The following HTT variants were observed in gnomAD, a reference collection of about 807,000 sequenced individuals.
The protein encoded by HTT is huntington disease protein.
In HTT, 104 loss-of-function variants were observed where a neutral mutation model predicts 362.3. The observed-to-expected ratio is 0.29, with a 90% CI of 0.24 to 0.34. The LOEUF (loss-of-function observed/expected upper bound fraction) is 0.34, where lower values mean the gene tolerates loss of function less well. Ranked by LOEUF, HTT falls within the 10% of genes least tolerant of loss-of-function variation. The pLI is 1.00. For missense variants in HTT, 3,301 were observed against 3,928.6 expected, an observed-to-expected ratio of 0.84 and a Z score of 4.27; for synonymous variants, 1,577 against 1,548.7, an observed-to-expected ratio of 1.02 and a Z score of -0.43.
At chr4:3,114,645 G>A (rs1714931407) in intron 6 of HTT, among the ~76,000 whole-genome samples, 1 of 152,216 alleles carries the variant, frequency 6.6e-6, no homozygotes, top group South Asian at 2.1e-4. Context: ...GGAAATGGAT[G>A]TTCTTAAGTA....
At chr4:3,104,883 G>A (rs981356332) in intron 4 of HTT, among the ~76,000 whole-genome samples, 1 of 152,048 alleles carries the variant, frequency 6.6e-6, no homozygotes, top group Non-Finnish European at 1.5e-5. Flanking sequence ...CAGCCTGGGC[G>A]ACCAAGTGAG....
Position 3,216,127 on chromosome 4 carries a change from C to T in HTT, c.7054+916C>T, listed in dbSNP as rs558272359. Among the ~76,000 whole-genome samples the T allele has an allele frequency of 2.0e-5, 3 of 152,300 alleles. No individual in the cohort carries two copies. In the South Asian group the frequency reaches 6.2e-4, roughly 32 times the overall value. ...TTTTTCTCCCCGCTTTTGTGCAATC[C>T]TGGTTGTGGATGGAGTTTTCCTGTC... On this transcript the variant is annotated intron_variant, in intron 51 of 66. Transcript: ENST00000355072.
intron 28 of HTT, among the ~76,000 whole-genome samples, chr4:3,159,350 T>G (rs1717324883): frequency 6.6e-6 from 1 of 152,358 alleles, no homozygotes; most frequent in Non-Finnish European, 1.5e-5. Flanking sequence ...ATTCCATGCC[T>G]TCTTTTCCCT....
In HTT at chr4:3,179,956, A is replaced by T. The variant is rs114170453; in HGVS notation, c.4613-559A>T. ...CAGAGTGTGCCTGTGTGCCAATGAA[A>T]GGCATTTCTTATATTTTTTTATATG... is the stretch of plus-strand genomic sequence containing the variant. On this transcript the variant is annotated intron_variant, in intron 35 of 66. Coordinates refer to ENST00000355072, the MANE Select transcript of HTT (RefSeq NM_001388492.1). Among the ~76,000 whole-genome samples, 991 of 152,286 alleles carry T rather than the reference A, an allele frequency of 6.5e-3. 13 individuals carry two copies. Among genetic ancestry groups the T allele is most frequent in the African/African-American group, 0.022 (933 of 41,544 alleles).
At chr4:3,120,959 G>A (rs1488264970) in intron 8 of HTT, among the ~76,000 whole-genome samples, 1 of 152,054 alleles carries the variant, frequency 6.6e-6, no homozygotes, top group Non-Finnish European at 1.5e-5. Context: ...CACCAGTTTT[G>A]GGAAATAGAG....
intron 26 of HTT, among the ~76,000 whole-genome samples, chr4:3,152,208 C>T (rs940742511): frequency 2.6e-5 from 4 of 151,884 alleles, no homozygotes; most frequent in South Asian, 2.1e-4. Flanking sequence ...AAGTGATTCT[C>T]CTGCCTCAGC....
chr4:3,116,297 G>A lies in HTT; in HGVS notation c.1068+34G>A, dbSNP rs552184815. The A allele has an allele frequency of 4.6e-6, 7 of 1,530,796 alleles. No homozygotes were observed. The East Asian group carries it at 1.4e-4, about 30-fold the overall frequency. The allele number at this position is 1,530,796 out of a possible 1,614,324, so 94.8% of individuals were successfully genotyped here. On this transcript the variant is annotated intron_variant, in intron 8 of 66. Transcript: ENST00000355072. The stretch of plus-strand genomic sequence containing the variant: ...ACAGGGTTTACTCTAGGCCCTGCAT[G>A]TGAATGACTGACATTCAAAGAACCG...
chr4:3,210,410 A>C (rs751691858), intron 47 of HTT, among the ~76,000 whole-genome samples: 5 of 152,148 alleles, frequency 3.3e-5, no homozygotes, highest in Non-Finnish European at 7.4e-5. Flanking sequence ...ACTTGTTTCT[A>C]GTGTCTTGGA....
intron 41 of HTT, among the ~76,000 whole-genome samples, chr4:3,200,738 CA>C (rs1032617123): frequency 6.6e-6 from 1 of 152,228 alleles, no homozygotes; most frequent in African/African-American, 2.4e-5. Context: ...CATTCTTAAC[CA>C]TCCACTCTGT....
chr4:3,182,097 C>A (rs1718549057), intron 36 of HTT, among the ~76,000 whole-genome samples: 1 of 152,214 alleles, frequency 6.6e-6, no homozygotes, highest in Non-Finnish European at 1.5e-5. Context: ...ATACAAATAA[C>A]AATGATGGCA....
intron 8 of HTT, among the ~76,000 whole-genome samples, chr4:3,119,147 A>G (rs1038863229): frequency 1.3e-5 from 2 of 152,248 alleles, no homozygotes; most frequent in African/African-American, 4.8e-5. Flanking sequence ...AAGCAATTCT[A>G]GGATGATTGC....
In HTT at chr4:3,235,591, TGAG is replaced by T. The variant is rs779017861; in HGVS notation, c.8602_8604del (p.Glu2868del). ...TGTGTGGGGTGATGCTGTCTGGAAG[TGAG>T]GAGTCCACCCCCTCCATCATTTACC... On this transcript the variant is annotated inframe_deletion, in exon 63 of 67. Transcript: ENST00000355072. 6 of 1,613,700 alleles carry T rather than the reference TGAG, an allele frequency of 3.7e-6. No individual in the cohort carries two copies. Among genetic ancestry groups the T allele is most frequent in the Non-Finnish European group, 5.1e-6 (6 of 1,179,986 alleles).
In HTT at chr4:3,215,199, C is replaced by T; in HGVS notation, c.7042C>T (p.Pro2348Ser). 6.2e-7 allele frequency: 1 copy of T among 1,612,984 alleles called. No individual in the cohort carries two copies. The highest frequency in any genetic ancestry group is 8.5e-7 in the Non-Finnish European group (1 of 1,179,176). Reference protein sequence around the residue: ...AISEEEEEVDPNTQNPKYITA... With the variant: ...AISEEEEEVDSNTQNPKYITA... ...CAGCGAGGAGGAGGAGGAAGTAGAT[C>T]CAAACACACAGAGTAAGTCTCAGGA... The change falls in exon 51 of 67, where the codon CCA becomes TCA. Residue 2348 changes from proline (P) to serine (S), a missense_variant. This residue lies in a region of HTT where 220 missense variants were observed against 218.5 expected (regional missense o/e 1.01). Transcript: ENST00000355072.
At chr4:3,085,075 C>T (rs1252401172) in intron 1 of HTT, among the ~76,000 whole-genome samples, 1 of 151,798 alleles carries the variant, frequency 6.6e-6, no homozygotes, top group Non-Finnish European at 1.5e-5. Context: ...CATGCCCCTC[C>T]TTACGCTTGT....
At chr4:3,109,952 A>C (rs1353541191) in intron 6 of HTT, among the ~76,000 whole-genome samples, 1 of 152,186 alleles carries the variant, frequency 6.6e-6, no homozygotes, top group East Asian at 1.9e-4. Context: ...TGGGGCCAGC[A>C]TCCTTAGGAA....
intron 1 of HTT, among the ~76,000 whole-genome samples, chr4:3,076,447 A>G (rs373403649): frequency 1.3e-5 from 2 of 152,232 alleles, no homozygotes; most frequent in East Asian, 3.8e-4. Context: ...TTTAATTAGA[A>G]AATGATTCGG....
At chr4:3,084,895 T>A (rs1578484697) in intron 1 of HTT, among the ~76,000 whole-genome samples, 1 of 151,402 alleles carries the variant, frequency 6.6e-6, no homozygotes, top group Non-Finnish European at 1.5e-5. Flanking sequence ...GTGCCTGTAG[T>A]CCCAGCTACT....
At chr4:3,087,935 C>G (rs983851134) in intron 2 of HTT, among the ~76,000 whole-genome samples, 3 of 152,208 alleles carry the variant, frequency 2.0e-5, no homozygotes, top group African/African-American at 7.2e-5. Context: ...ACTGCAACCT[C>G]TGCCTCCTGG....
At chr4:3,115,075 A>G (rs2110171240) in intron 6 of HTT, among the ~76,000 whole-genome samples, 1 of 152,262 alleles carries the variant, frequency 6.6e-6, no homozygotes, top group Middle Eastern at 3.4e-3. Context: ...ATGGATGCTG[A>G]GCAGTCCCCT....
Sources: gnomAD v4.1 joint callset for allele counts (sites outside exome capture counted in the v4.1 genomes callset) on GRCh38, gnomAD v4.1.1 for gene constraint, gnomAD v4.1.1 regional missense constraint, MANE v1.5 for transcripts, NCBI Gene and HGNC (gene_info 2026-07-23, HGNC 2026-07-21) for gene names.